The following PRELID2 variants were observed in gnomAD, a reference collection of about 807,000 sequenced individuals.
PRELID2 encodes PRELI domain-containing protein 2.
Under a neutral mutation model 28.4 loss-of-function variants are expected in PRELID2, and 25 were observed. The ratio of observed to expected loss-of-function variants is 0.88; its 90% CI spans 0.64 to 1.23. The LOEUF is 1.23. Ranked by LOEUF, PRELID2 falls within the 50% of genes most tolerant of loss-of-function variation. The pLI, the probability that PRELID2 is intolerant of heterozygous loss-of-function variation, is 0.00. For synonymous variants in PRELID2, 76 were observed against 71.6 expected, an observed-to-expected ratio of 1.06 and a Z score of -0.31; for missense variants, 201 against 214.4, an observed-to-expected ratio of 0.94 and a Z score of 0.39.
rs1470871254 is a variant in PRELID2 at position 145,551,255 on chromosome 5, G to T, written n.71-77940C>A. Among the ~76,000 whole-genome samples, 4 of 151,924 alleles carry T rather than the reference G, an allele frequency of 2.6e-5. No individual in the cohort carries two copies. The East Asian group carries it at 7.7e-4, about 29-fold the overall frequency. ...GTCTCTACTAAAAATACAAAAATTA[G>T]CTGGGTGTGGTGGCGCGTGTCTGTA... On this transcript the variant is annotated intron_variant and non_coding_transcript_variant, in intron 1 of 2. Transcript: ENST00000510259.
the PRELID2 span, among the ~76,000 whole-genome samples, chr5:145,327,940 C>G: frequency 1.1e-4 from 16 of 152,026 alleles, no homozygotes; most frequent in Non-Finnish European, 4.4e-5. Flanking sequence ...CCTACTCCCC[C>G]CATCCCCCAA....
chr5:145,506,347 C>T (rs1225358733), intron 1 of PRELID2, among the ~76,000 whole-genome samples: 1 of 152,128 alleles, frequency 6.6e-6, no homozygotes, highest in Non-Finnish European at 1.5e-5. Context: ...GAATGAGTAG[C>T]TTGCTACAAT....
At chr5:145,820,821 T>G (rs1754731308) in intron 2 of PRELID2, among the ~76,000 whole-genome samples, 1 of 152,124 alleles carries the variant, frequency 6.6e-6, no homozygotes, top group Non-Finnish European at 1.5e-5. Context: ...TAAACTTTCC[T>G]AAACAGGAAA....
chr5:145,284,633 C>T, the PRELID2 span, among the ~76,000 whole-genome samples: 1 of 152,094 alleles, frequency 6.6e-6, no homozygotes, highest in Admixed American at 6.6e-5. Context: ...AGTTAAATGA[C>T]TTGCCCAAAC....
the PRELID2 span, among the ~76,000 whole-genome samples, chr5:145,330,985 A>C: frequency 1.3e-5 from 2 of 152,116 alleles, no homozygotes; most frequent in Non-Finnish European, 2.9e-5. Flanking sequence ...TTTTGTTCTC[A>C]TGGGTTTCAA....
the PRELID2 span, among the ~76,000 whole-genome samples, chr5:145,306,243 T>C: frequency 1.3e-5 from 2 of 152,244 alleles, no homozygotes; most frequent in Admixed American, 6.5e-5. Flanking sequence ...ATGAATATTA[T>C]GTCAGTCGGA....
Position 145,760,784 on chromosome 5 carries a change from T to C in PRELID2, c.*11-259A>G, listed in dbSNP as rs549104074. ...AAAATTGAGGTCTTAATCATTCCAG[T>C]GTGATAGAACTCTGCTATGTTGTCA... On this transcript the variant is annotated intron_variant, in intron 6 of 6. Coordinates refer to ENST00000683046, the MANE Select transcript of PRELID2 (RefSeq NM_205846.3). Among the ~76,000 whole-genome samples the C allele has an allele frequency of 1.5e-4, 23 of 152,328 alleles. No homozygotes were observed. The South Asian group carries it at 4.3e-3, about 29-fold the overall frequency.
At chr5:145,621,496 C>T (rs532110652) in intron 1 of PRELID2, among the ~76,000 whole-genome samples, 7 of 152,078 alleles carry the variant, frequency 4.6e-5, no homozygotes, top group African/African-American at 1.7e-4. Context: ...TAGACACAAC[C>T]CCAAATCCCA....
the PRELID2 span, among the ~76,000 whole-genome samples, chr5:145,372,929 ACAAC>A: frequency 7.0e-3 from 825 of 118,512 alleles, 42 homozygotes; most frequent in Middle Eastern, 0.015. Context: ...ATTATATATT[ACAAC>A]ATATATAATA....
intron 1 of PRELID2, among the ~76,000 whole-genome samples, chr5:145,479,024 C>T (rs1251107908): frequency 1.3e-5 from 2 of 152,164 alleles, no homozygotes; most frequent in Non-Finnish European, 2.9e-5. Flanking sequence ...GAGACTTGAC[C>T]AGAACCTGAA....
chr5:145,241,850 C>A, the PRELID2 span, among the ~76,000 whole-genome samples: 1 of 151,860 alleles, frequency 6.6e-6, no homozygotes, highest in Non-Finnish European at 1.5e-5. Flanking sequence ...TTTACTAAAT[C>A]ACTTAGGCCA....
intron 1 of PRELID2, among the ~76,000 whole-genome samples, chr5:145,674,279 C>A (rs1233095831): frequency 6.6e-6 from 1 of 152,064 alleles, no homozygotes; most frequent in African/African-American, 2.4e-5. Flanking sequence ...TCATTTACAT[C>A]AGGTATATCT....
At chr5:145,514,564 C>T (rs1752496888) in intron 1 of PRELID2, among the ~76,000 whole-genome samples, 1 of 152,102 alleles carries the variant, frequency 6.6e-6, no homozygotes, top group Non-Finnish European at 1.5e-5. Flanking sequence ...CTTTAACACT[C>T]CACTGTCAAT....
At chr5:145,467,569 G>C (rs1390454920), downstream of PRELID2, among the ~76,000 whole-genome samples, 3 of 152,038 alleles carry the variant, frequency 2.0e-5, no homozygotes, top group Admixed American at 2.0e-4. Flanking sequence ...ACGTATCAGA[G>C]ACCGTGCAAA....
chr5:145,821,671 C>T (rs766945346), intron 2 of PRELID2, among the ~76,000 whole-genome samples: 2 of 152,220 alleles, frequency 1.3e-5, no homozygotes, highest in African/African-American at 2.4e-5. Flanking sequence ...AGGGTGCAAA[C>T]CCCTCTGCCC....
chr5:145,454,751 A>ATG, the PRELID2 span, among the ~76,000 whole-genome samples: 1 of 152,106 alleles, frequency 6.6e-6, no homozygotes, highest in African/African-American at 2.4e-5. Flanking sequence ...GCTTTTTTTC[A>ATG]TGTTTGTTGG....
At position 145,657,701 on chromosome 5, in the gene PRELID2, G is replaced by A. The variant is rs562584998; in HGVS notation, n.70+107230C>T. 7.4e-4 allele frequency among the ~76,000 whole-genome samples: 112 copies of A among 152,156 alleles called. 2 individuals are homozygous for A. The highest frequency in any genetic ancestry group is 2.7e-3 in the African/African-American group (111 of 41,520). ...CTCCGTCTCAAAAAAAAGAAAGAAA[G>A]AAAGTGAAATGAGCCCTTAAGTGCT... On this transcript the variant is annotated intron_variant and non_coding_transcript_variant, in intron 1 of 2. Coordinates refer to the PRELID2 transcript ENST00000510259.
rs574744838 is a variant in PRELID2 at position 145,790,154 on chromosome 5, C to T, written c.474+6288G>A. Among the ~76,000 whole-genome samples the T allele has an allele frequency of 8.5e-5, 13 of 152,178 alleles. No individual in the cohort carries two copies. The South Asian group carries it at 2.1e-3, about 24-fold the overall frequency. On this transcript the variant is annotated intron_variant, in intron 5 of 6. Transcript: ENST00000683046. Reference sequence around the variant, plus strand: ...GCAATCCCACTTCTGGGTATTTATCCGAAGAATTGGGAATCAGTATGTCAA... The same window carrying T: ...GCAATCCCACTTCTGGGTATTTATCTGAAGAATTGGGAATCAGTATGTCAA...
At chr5:145,296,534 T>C in the PRELID2 span, among the ~76,000 whole-genome samples, 1 of 152,182 alleles carries the variant, frequency 6.6e-6, no homozygotes, top group East Asian at 1.9e-4. Flanking sequence ...TCATTTTTTA[T>C]GGCTGCATAG....
Sources: allele counts gnomAD v4.1 joint callset (sites outside exome capture counted in the v4.1 genomes callset), GRCh38; gene constraint gnomAD v4.1.1; transcripts MANE v1.5; gene names NCBI Gene and HGNC (gene_info 2026-07-23, HGNC 2026-07-21).